The following MALRD1 variants were observed in gnomAD, a reference collection of about 807,000 sequenced individuals.
MALRD1 encodes MAM and LDL receptor class A domain containing 1, also known as MAM and LDL-receptor class A domain-containing protein 1.
Under a neutral mutation model 242.1 loss-of-function variants are expected in MALRD1, and 247 were observed. The observed-to-expected ratio is 1.02, with a 90% CI of 0.92 to 1.13. MALRD1 has a LOEUF of 1.13. Among genes scored for constraint, MALRD1 ranks in the 50% most tolerant of loss-of-function variants. MALRD1 has a pLI of 0.00. For synonymous variants in MALRD1, 995 were observed against 866.6 expected (o/e 1.15, Z -2.60); for missense variants, 2,989 against 2,533.1 (o/e 1.18, Z -3.86).
At chr10:19,506,683 G>C (rs1014042664) in intron 31 of MALRD1, among the ~76,000 whole-genome samples, 1 of 151,968 alleles carries the variant, frequency 6.6e-6, no homozygotes, top group Admixed American at 6.6e-5. Flanking sequence ...GGTTAGATAT[G>C]ATAATAAGTG....
intron 2 of MALRD1, among the ~76,000 whole-genome samples, chr10:19,080,146 A>G (rs1835439275): frequency 6.6e-6 from 1 of 152,092 alleles, no homozygotes; most frequent in African/African-American, 2.4e-5. Flanking sequence ...AAAACATTCC[A>G]TGCTCATGGG....
At position 19,644,947 on chromosome 10, in the gene MALRD1, C is replaced by A. The variant is rs1275204188; in HGVS notation, c.6137+29024C>A. The stretch of plus-strand genomic sequence containing the variant: ...TGTCCATGTGGAGTAAGTAACAGAT[C>A]CTGTAAAAATTAATATTGTTTTGAT... On this transcript the variant is annotated intron_variant, in intron 36 of 39. Transcript: ENST00000454679. 2.6e-5 allele frequency among the ~76,000 whole-genome samples: 4 copies of A among 151,942 alleles called. 1 individual carries two copies. The highest frequency in any genetic ancestry group is 2.6e-4 in the Admixed American group (4 of 15,242).
At chr10:19,072,049 A>G (rs2131258343) in intron 2 of MALRD1, among the ~76,000 whole-genome samples, 2 of 152,290 alleles carry the variant, frequency 1.3e-5, no homozygotes, top group South Asian at 4.1e-4. Context: ...ACTTATGATT[A>G]CATATTAAAA....
chr10:19,053,659 G>A (rs1187254727), intron 1 of MALRD1, among the ~76,000 whole-genome samples: 2 of 152,038 alleles, frequency 1.3e-5, no homozygotes, highest in Non-Finnish European at 2.9e-5. Flanking sequence ...AGTCTGAAAA[G>A]CAATTGATGT....
At chr10:19,623,185 CA>C in intron 36 of MALRD1, among the ~76,000 whole-genome samples, 1 of 151,554 alleles carries the variant, frequency 6.6e-6, no homozygotes, top group South Asian at 2.1e-4. Flanking sequence ...TTTTTAATGA[CA>C]AAAAATACCA....
At chr10:19,079,443 G>T (rs1398238829) in intron 2 of MALRD1, among the ~76,000 whole-genome samples, 1 of 151,816 alleles carries the variant, frequency 6.6e-6, no homozygotes, top group Non-Finnish European at 1.5e-5. Context: ...AGAAGCATGT[G>T]CATTCTTTTG....
intron 36 of MALRD1, among the ~76,000 whole-genome samples, chr10:19,658,094 G>A (rs952135972): frequency 2.2e-4 from 33 of 151,996 alleles, no homozygotes; most frequent in Admixed American, 6.6e-4. Context: ...GTTGCTGTGA[G>A]CCGAGATCAT....
chr10:19,595,903 G>A (rs1838074183), intron 34 of MALRD1, among the ~76,000 whole-genome samples: 1 of 152,124 alleles, frequency 6.6e-6, no homozygotes, highest in Non-Finnish European at 1.5e-5. Flanking sequence ...TTAAGGATTG[G>A]ATCTGGATAA....
At chr10:19,502,799 C>T (rs1023981146) in intron 31 of MALRD1, among the ~76,000 whole-genome samples, 11 of 152,078 alleles carry the variant, frequency 7.2e-5, no homozygotes, top group Non-Finnish European at 1.2e-4. Flanking sequence ...ACTAATGATA[C>T]AAAAACTGCA....
intron 32 of MALRD1, among the ~76,000 whole-genome samples, chr10:19,536,704 A>G (rs1292599550): frequency 5.3e-5 from 8 of 152,136 alleles, no homozygotes; most frequent in Admixed American, 3.9e-4. Flanking sequence ...AAATTGAGTG[A>G]CAGTCAGCTT....
chr10:19,213,235 T>A (rs1253833483), intron 18 of MALRD1, among the ~76,000 whole-genome samples: 1 of 152,218 alleles, frequency 6.6e-6, no homozygotes, highest in Non-Finnish European at 1.5e-5. Flanking sequence ...TAAATTCAGT[T>A]ACTTGAAATT....
chr10:19,624,310 G>A (rs1172900915), intron 36 of MALRD1, among the ~76,000 whole-genome samples: 1 of 152,088 alleles, frequency 6.6e-6, no homozygotes, highest in Non-Finnish European at 1.5e-5. Context: ...ACAATGGAAT[G>A]CAAAGGAACA....
chr10:19,712,142 G>C (rs753916572), intron 38 of MALRD1, among the ~76,000 whole-genome samples: 23 of 152,228 alleles, frequency 1.5e-4, no homozygotes, highest in African/African-American at 5.5e-4. Context: ...ATAAACATCA[G>C]CTCTATGGAA....
chr10:19,191,483 G>A (rs1361406861), intron 14 of MALRD1, among the ~76,000 whole-genome samples: 1 of 152,150 alleles, frequency 6.6e-6, no homozygotes, highest in Non-Finnish European at 1.5e-5. Flanking sequence ...GGCAATTCCA[G>A]TTTTGGGTAT....
chr10:19,129,139 T>C (rs77688506), intron 8 of MALRD1, among the ~76,000 whole-genome samples: 2,082 of 152,148 alleles, frequency 0.014, 58 homozygotes, highest in African/African-American at 0.047. Flanking sequence ...ATGAAGATAG[T>C]ACAGATTCCA....
intron 29 of MALRD1, among the ~76,000 whole-genome samples, chr10:19,484,080 A>C (rs572107816): frequency 6.6e-6 from 1 of 152,202 alleles, no homozygotes; most frequent in East Asian, 1.9e-4. Flanking sequence ...TTGGGTGCTC[A>C]TGGACATAAA....
chr10:19,250,496 T>G (rs1264853848), intron 18 of MALRD1, among the ~76,000 whole-genome samples: 1 of 151,984 alleles, frequency 6.6e-6, no homozygotes, highest in Non-Finnish European at 1.5e-5. Context: ...GTGCAGAGTT[T>G]CAAGTAGCAA....
intron 28 of MALRD1, among the ~76,000 whole-genome samples, chr10:19,438,374 A>G (rs925018745): frequency 3.3e-5 from 5 of 152,226 alleles, no homozygotes; most frequent in Non-Finnish European, 4.4e-5. Context: ...ACCACATTAC[A>G]TAATGGATTA....
At chr10:19,273,549 A>G (rs1324955328) in intron 19 of MALRD1, among the ~76,000 whole-genome samples, 3 of 152,228 alleles carry the variant, frequency 2.0e-5, no homozygotes, top group African/African-American at 7.2e-5. Context: ...ATATTATTCA[A>G]TGCTAAATAA....
Sources: gnomAD v4.1 joint callset for allele counts (sites outside exome capture counted in the v4.1 genomes callset) on GRCh38, gnomAD v4.1.1 for gene constraint, MANE v1.5 for transcripts, NCBI Gene and HGNC (gene_info 2026-07-23, HGNC 2026-07-21) for gene names.